Variants in NRXN1 observed in about 807,000 individuals in gnomAD.
NRXN1 encodes the protein neurexin-1.
In NRXN1, 39 loss-of-function variants were observed where a neutral mutation model predicts 150.9. The observed-to-expected ratio is 0.26, with a 90% CI of 0.20 to 0.34. NRXN1 has a LOEUF of 0.34. Among genes scored for constraint, NRXN1 ranks in the 10% least tolerant of loss-of-function variants. NRXN1 has a pLI of 1.00. For synonymous variants in NRXN1, 924 were observed against 757.0 expected (o/e 1.22, Z -3.62); for missense variants, 1,815 against 1,949.9 (o/e 0.93, Z 1.30).
At chr2:50,796,078 T>C (rs952992151) in intron 5 of NRXN1, among the ~76,000 whole-genome samples, 8 of 152,114 alleles carry the variant, frequency 5.3e-5, no homozygotes, top group African/African-American at 1.9e-4. Flanking sequence ...TAGCTGCTGA[T>C]ATTATCCTAT....
chr2:50,783,648 T>A (rs955966540), intron 5 of NRXN1, among the ~76,000 whole-genome samples: 8 of 152,156 alleles, frequency 5.3e-5, no homozygotes, highest in Admixed American at 3.9e-4. Context: ...CACAGTGAAT[T>A]GCTACTAAGA....
intron 5 of NRXN1, among the ~76,000 whole-genome samples, chr2:50,838,362 CA>C (rs1417282878): frequency 6.6e-6 from 1 of 152,028 alleles, no homozygotes; most frequent in Non-Finnish European, 1.5e-5. Flanking sequence ...GGTGATACTG[CA>C]AACCAACATG....
chr2:51,003,221 A>C (rs1250141511), intron 2 of NRXN1, among the ~76,000 whole-genome samples: 1 of 151,926 alleles, frequency 6.6e-6, no homozygotes, highest in Non-Finnish European at 1.5e-5. Context: ...ATCAAAGTAA[A>C]ATTATTGTTA....
rs189420962 is a variant in NRXN1 at position 50,403,180 on chromosome 2, A to T, written c.3364+62262T>A. The stretch of plus-strand genomic sequence containing the variant: ...ACAATGTATGTTGCTCAGATAATTT[A>T]TATTACACAGAATTTACTATATACT... On this transcript the variant is annotated intron_variant, in intron 17 of 22. Transcript: ENST00000401669. Among the ~76,000 whole-genome samples the T allele has an allele frequency of 5.1e-3, 779 of 152,216 alleles. 15 individuals carry two copies. In the South Asian group the frequency reaches 0.054, roughly 11 times the overall value.
chr2:50,613,697 G>T (rs1404616432), intron 8 of NRXN1, among the ~76,000 whole-genome samples: 1 of 152,136 alleles, frequency 6.6e-6, no homozygotes, highest in Non-Finnish European at 1.5e-5. Flanking sequence ...CCAGCACTTT[G>T]GGAGGCCCAG....
rs570706696 is a variant in NRXN1 at position 49,983,442 on chromosome 2, A to G, written c.4129-39651T>C. Among the ~76,000 whole-genome samples, 4 of 152,214 alleles carry G rather than the reference A, an allele frequency of 2.6e-5. No individual in the cohort carries two copies. The South Asian group carries it at 8.3e-4, about 32-fold the overall frequency. On this transcript the variant is annotated intron_variant, in intron 21 of 22. Coordinates refer to ENST00000401669, the MANE Select transcript of NRXN1 (RefSeq NM_001330078.2). ...CTTTTATAGGTCATTTAGTACTAGG[A>G]ACATTTATATTTTTACGGGTCTTTT...
In NRXN1 at chr2:49,989,587, CTAAG is replaced by C. The variant is rs1317427774; in HGVS notation, c.4129-45800_4129-45797del. Among the ~76,000 whole-genome samples, 4 of 152,188 alleles carry C rather than the reference CTAAG, an allele frequency of 2.6e-5. No homozygotes were observed. In the East Asian group the frequency reaches 7.7e-4, roughly 29 times the overall value. Reference sequence around the variant, plus strand: ...AGCCATGAAGTATCTTAGTAAGATACTAAGTAAGGGCATTAGTAAAGGCATATTA... The same window carrying C: ...AGCCATGAAGTATCTTAGTAAGATACTAAGGGCATTAGTAAAGGCATATTA... On this transcript the variant is annotated intron_variant, in intron 21 of 22. Transcript: ENST00000401669.
chr2:50,134,394 G>C (rs1023948852), intron 18 of NRXN1, among the ~76,000 whole-genome samples: 1 of 151,904 alleles, frequency 6.6e-6, no homozygotes, highest in Non-Finnish European at 1.5e-5. Context: ...AAGACTGCAC[G>C]TGGTGGATAA....
At chr2:50,278,973 A>G (rs1300042026) in intron 17 of NRXN1, among the ~76,000 whole-genome samples, 2 of 152,350 alleles carry the variant, frequency 1.3e-5, no homozygotes, top group East Asian at 1.9e-4. Context: ...ATCCAATTAT[A>G]TCACAATCCA....
At chr2:50,019,977 A>AAAAAAAAAAAAAAAAC (rs1687310136) in intron 21 of NRXN1, among the ~76,000 whole-genome samples, 1 of 48,810 alleles carries the variant, frequency 2.0e-5, no homozygotes, top group Non-Finnish European at 4.9e-5. Flanking sequence ...AAAAAAAGAG[A>AAAAAAAAAAAAAAAAC]GAGAGAGAGA....
chr2:50,520,640 A>G (rs1233812111), intron 12 of NRXN1, among the ~76,000 whole-genome samples: 1 of 152,096 alleles, frequency 6.6e-6, no homozygotes, highest in South Asian at 2.1e-4. Context: ...TATTGGCTGA[A>G]CTAATTTTAC....
At chr2:50,757,601 T>G (rs2105362565) in intron 5 of NRXN1, among the ~76,000 whole-genome samples, 1 of 151,866 alleles carries the variant, frequency 6.6e-6, no homozygotes, top group East Asian at 2.0e-4. Flanking sequence ...TCTCCCTTTT[T>G]AAAAAGTTCT....
intron 21 of NRXN1, among the ~76,000 whole-genome samples, chr2:50,052,892 T>C (rs989041114): frequency 6.6e-6 from 1 of 152,200 alleles, no homozygotes; most frequent in African/African-American, 2.4e-5. Flanking sequence ...CTTGATTTTA[T>C]TTTGAAGTGC....
chr2:50,813,685 G>C (rs145439896), intron 5 of NRXN1, among the ~76,000 whole-genome samples: 260 of 152,216 alleles, frequency 1.7e-3, no homozygotes, highest in African/African-American at 6.0e-3. Flanking sequence ...CTGGTGCATT[G>C]ATTGTAGATT....
intron 15 of NRXN1, among the ~76,000 whole-genome samples, chr2:50,482,978 G>C (rs1425323259): frequency 6.6e-6 from 1 of 150,386 alleles, no homozygotes; most frequent in African/African-American, 2.5e-5. Flanking sequence ...TTGAACCCGG[G>C]AGGCAGTGGT....
At chr2:50,192,004 G>A (rs1337803694) in intron 18 of NRXN1, among the ~76,000 whole-genome samples, 3 of 152,024 alleles carry the variant, frequency 2.0e-5, no homozygotes, top group African/African-American at 7.2e-5. Flanking sequence ...GAGTAAGAGG[G>A]CATACTTTCA....
chr2:50,485,164 G>A (rs1371048452), intron 15 of NRXN1, among the ~76,000 whole-genome samples: 1 of 152,144 alleles, frequency 6.6e-6, no homozygotes, highest in Non-Finnish European at 1.5e-5. Flanking sequence ...GACCGTATGT[G>A]TAAAATAAAT....
At chr2:50,316,778 T>G (rs955637540) in intron 17 of NRXN1, among the ~76,000 whole-genome samples, 1 of 152,048 alleles carries the variant, frequency 6.6e-6, no homozygotes, top group South Asian at 2.1e-4. Flanking sequence ...TCTTCCTTCT[T>G]TAGGAGGGGA....
intron 5 of NRXN1, among the ~76,000 whole-genome samples, chr2:50,839,716 G>T (rs968134964): frequency 1.2e-4 from 19 of 152,024 alleles, no homozygotes; most frequent in African/African-American, 4.3e-4. Context: ...GGATAATAAA[G>T]AAAACACATA....
Sources: gnomAD v4.1 joint callset for allele counts (sites outside exome capture counted in the v4.1 genomes callset) on GRCh38, gnomAD v4.1.1 for gene constraint, MANE v1.5 for transcripts, NCBI Gene and HGNC (gene_info 2026-07-23, HGNC 2026-07-21) for gene names.